RAB11FIP3: variants seen among roughly 807,000 people sequenced by gnomAD.
The protein encoded by RAB11FIP3 is RAB11 family interacting protein 3.
RAB11FIP3 carries 17 observed loss-of-function variants against 77.8 expected under a neutral mutation model. The ratio of observed to expected loss-of-function variants is 0.22; its 90% CI spans 0.15 to 0.33. The LOEUF is 0.33. Ranked by LOEUF, RAB11FIP3 falls within the 10% of genes least tolerant of loss-of-function variation. RAB11FIP3 has a pLI of 1.00. For missense variants in RAB11FIP3, 1,005 were observed against 1,011.2 expected (o/e 0.99, Z 0.08); for synonymous variants, 437 against 448.2 (o/e 0.98, Z 0.31).
chr16:491,353 C>T lies in RAB11FIP3; in HGVS notation c.1265+2353C>T, dbSNP rs77810466. The T allele has an allele frequency of 3.1e-3, 3,784 of 1,235,624 alleles. 57 individuals carry two copies. The African/African-American group carries it at 0.036, about 12-fold the overall frequency. 76.5% of individuals were successfully genotyped at this position (1,235,624 alleles called of 1,614,324 possible). ...CCACAGCCCCCTTGAGGGCCTGCCC[C>T]GAGGCGACCAGGAGCCTCTCAGGCA... On this transcript the variant is annotated intron_variant, in intron 5 of 13. Coordinates refer to ENST00000262305, the MANE Select transcript of RAB11FIP3 (RefSeq NM_014700.4).
At chr16:485,062 G>A (rs1269949853) in intron 4 of RAB11FIP3, among the ~76,000 whole-genome samples, 3 of 152,188 alleles carry the variant, frequency 2.0e-5, no homozygotes, top group Middle Eastern at 3.4e-3. Context: ...TGTCAGGGTG[G>A]GAGCTCCTCT....
intron 5 of RAB11FIP3, 95 bp downstream of exon 5, chr16:489,095 A>AC (rs2141768449): frequency 7.4e-7 from 1 of 1,356,946 alleles, no homozygotes; most frequent in Non-Finnish European, 9.8e-7. Flanking sequence ...TGGTGAGAGA[A>AC]CTTGCTTTCC....
At chr16:518,004 C>T (rs1216816165) in intron 9 of RAB11FIP3, among the ~76,000 whole-genome samples, 1 of 152,172 alleles carries the variant, frequency 6.6e-6, no homozygotes, top group Non-Finnish European at 1.5e-5. Flanking sequence ...ATGGCGTGAA[C>T]CCGGAAGGCG....
At position 496,623 on chromosome 16, in the gene RAB11FIP3, C is replaced by T. The variant is rs535389702; in HGVS notation, c.1266-201C>T. 3.3e-5 allele frequency among the ~76,000 whole-genome samples: 5 copies of T among 152,332 alleles called. No individual in the cohort carries two copies. The East Asian group carries it at 5.8e-4, about 18-fold the overall frequency. On this transcript the variant is annotated intron_variant, in intron 5 of 13. Coordinates refer to ENST00000262305, the MANE Select transcript of RAB11FIP3 (RefSeq NM_014700.4). ...GGGGGCTGGAGTAACGAGACGTATGCGGCCTCACCCCAGCACTGCCGTGTC... is the reference window on the plus strand; with the variant it reads ...GGGGGCTGGAGTAACGAGACGTATGTGGCCTCACCCCAGCACTGCCGTGTC...
intron 1 of RAB11FIP3, among the ~76,000 whole-genome samples, chr16:454,563 C>G (rs975162768): frequency 1.3e-5 from 2 of 152,024 alleles, no homozygotes; most frequent in Non-Finnish European, 2.9e-5. Context: ...TATACCTCCT[C>G]AAAACCAAAA....
rs58290701 is a variant in RAB11FIP3, at chr16:522,044, T to TGC, written c.*1205_*1206insGC. On this transcript the variant is annotated 3_prime_UTR_variant, in exon 14 of 14. Coordinates refer to ENST00000262305, the MANE Select transcript of RAB11FIP3 (RefSeq NM_014700.4). ...CGCTGCGTGTGTGTGCGCGCGCGTGTACGTGTGGCCCCACATCCGCCGCCT... is the reference window on the plus strand; with the variant it reads ...CGCTGCGTGTGTGTGCGCGCGCGTGTGCACGTGTGGCCCCACATCCGCCGCCT... The TGC allele has an allele frequency of 1.3e-5, 2 of 151,732 alleles. No homozygotes were observed. The highest frequency in any genetic ancestry group is 2.9e-5 in the Non-Finnish European group (2 of 67,962). 9.4% of individuals were successfully genotyped at this position (151,732 alleles called of 1,614,324 possible).
intron 1 of RAB11FIP3, among the ~76,000 whole-genome samples, chr16:429,749 C>T (rs1349062393): frequency 2.0e-5 from 3 of 152,112 alleles, no homozygotes; most frequent in South Asian, 2.1e-4. Context: ...CCACCCGCCT[C>T]GGCCTCCCAA....
Position 505,700 on chromosome 16 carries a change from C to T in RAB11FIP3, c.1499+73C>T. The T allele has an allele frequency of 7.9e-7, 1 of 1,272,074 alleles. No homozygotes were observed. The highest frequency in any genetic ancestry group is 1.1e-6 in the Non-Finnish European group (1 of 920,152). The allele number at this position is 1,272,074 out of a possible 1,614,324, so 78.8% of individuals were successfully genotyped here. ...CCCGCCTGTCAGCCCCCATTTACTT[C>T]TCTTTACCTCACACAGCAGGGGCTT... is the stretch of plus-strand genomic sequence containing the variant. On this transcript the variant is annotated intron_variant, in intron 8 of 13. Transcript: ENST00000262305. The surrounding 1 kb of genome is among the most constrained non-coding windows in gnomAD (Gnocchi z 4.0).
At chr16:445,113 C>CAAAAAAA (rs56706849) in intron 1 of RAB11FIP3, among the ~76,000 whole-genome samples, 3 of 70,818 alleles carry the variant, frequency 4.2e-5, no homozygotes, top group East Asian at 4.1e-4. Context: ...GACTCTGTCT[C>CAAAAAAA]AAAAAAAAAA....
Position 471,351 on chromosome 16 carries a change from G to T in RAB11FIP3, c.865G>T (p.Ala289Ser). 6.2e-7 allele frequency: 1 copy of T among 1,613,964 alleles called. No homozygotes were observed. Among genetic ancestry groups the T allele is most frequent in the African/African-American group, 1.3e-5 (1 of 75,060 alleles). Residue 289 changes from alanine to serine, a missense_variant, in exon 3 of 14, where the codon GCC becomes TCC. By Grantham distance (99) the Ala-to-Ser change is moderately conservative (BLOSUM62 1). Around this residue, in one of 4 missense-constraint regions of RAB11FIP3, gnomAD observed 466 missense variants for 408.3 expected, o/e 1.14. Coordinates refer to ENST00000262305, the MANE Select transcript of RAB11FIP3 (RefSeq NM_014700.4). The surrounding 1 kb of genome is among the most constrained non-coding windows in gnomAD (Gnocchi z 4.4). ...VASAQDEEPL[A>S]CPDEFDDFVT... ...TTCTGCCCAAGATGAGGAGCCCCTG[G>T]CCTGCCCGGACGAGTTCGATGACTT... is the stretch of plus-strand genomic sequence containing the variant.
At chr16:468,614 T>A (rs1215087770) in intron 2 of RAB11FIP3, among the ~76,000 whole-genome samples, 2 of 152,092 alleles carry the variant, frequency 1.3e-5, no homozygotes, top group East Asian at 3.9e-4. Context: ...ACCAGCAGGA[T>A]GTGCTGGCCT....
At position 519,877 on chromosome 16, in the gene RAB11FIP3, G is replaced by A; in HGVS notation, c.1846G>A (p.Glu616Lys). Residue 616 changes from glutamate to lysine, a missense_variant, in exon 11 of 14, where the codon GAG (glutamate) becomes AAG (lysine). Physicochemically the swap from Glu to Lys is moderately conservative, Grantham distance 56 (BLOSUM62 1). This residue lies in a region of RAB11FIP3 where 433 missense variants were observed against 436.1 expected (regional missense o/e 0.99). Coordinates refer to ENST00000262305, the MANE Select transcript of RAB11FIP3 (RefSeq NM_014700.4). ...HERHQFQRDKEATQELIEDLR... is the reference protein window; with the variant it reads ...HERHQFQRDKKATQELIEDLR... ...GAGGCACCAGTTCCAGAGGGACAAG[G>A]AGGCCACCCAGGAGGTGAGCACCCA... 3.1e-6 allele frequency: 5 copies of A among 1,590,822 alleles called. No homozygotes were observed. Among genetic ancestry groups the A allele is most frequent in the Non-Finnish European group, 4.3e-6 (5 of 1,168,794 alleles).
intron 5 of RAB11FIP3, among the ~76,000 whole-genome samples, chr16:494,786 G>T (rs371240046): frequency 1.5e-5 from 2 of 137,490 alleles, no homozygotes; most frequent in African/African-American, 5.1e-5. Context: ...CACATGAGCC[G>T]GGGAGGTCGA....
At chr16:427,222 T>C (rs1422362715) in intron 1 of RAB11FIP3, among the ~76,000 whole-genome samples, 1 of 152,258 alleles carries the variant, frequency 6.6e-6, no homozygotes, top group African/African-American at 2.4e-5. Context: ...TTACTGTGTG[T>C]GGTTGACATC....
At chr16:468,584 C>T (rs1418950514) in intron 2 of RAB11FIP3, among the ~76,000 whole-genome samples, 1 of 152,002 alleles carries the variant, frequency 6.6e-6, no homozygotes, top group East Asian at 1.9e-4. Flanking sequence ...GTCTGTCAGC[C>T]CTGTCTGCGT....
intron 10 of RAB11FIP3, 50 bp downstream of exon 10, chr16:519,074 C>T (rs2032552484): frequency 6.3e-7 from 1 of 1,580,430 alleles, no homozygotes; most frequent in Non-Finnish European, 8.7e-7. Context: ...AGCCCATGCC[C>T]TGCCTGTGGG....
chr16:464,413 CCTTGAGG>C (rs1285020881), intron 2 of RAB11FIP3, among the ~76,000 whole-genome samples: 1 of 152,186 alleles, frequency 6.6e-6, no homozygotes, highest in Non-Finnish European at 1.5e-5. Flanking sequence ...ACATACTGTG[CCTTGAGG>C]CTTGCTGCAT....
At chr16:477,146 T>A (rs1431033464) in intron 3 of RAB11FIP3, among the ~76,000 whole-genome samples, 1 of 150,388 alleles carries the variant, frequency 6.6e-6, no homozygotes, top group East Asian at 2.0e-4. Flanking sequence ...CCCTGCTACT[T>A]GGGAGGCTGA....
At chr16:508,871 A>G (rs115014014) in intron 8 of RAB11FIP3, among the ~76,000 whole-genome samples, 7 of 148,946 alleles carry the variant, frequency 4.7e-5, no homozygotes, top group African/African-American at 1.7e-4. Context: ...TTTCTATGTA[A>G]TATTCTCAGT....
Sources: allele counts gnomAD v4.1 joint callset (sites outside exome capture counted in the v4.1 genomes callset), GRCh38; gene constraint gnomAD v4.1.1; regional missense constraint gnomAD v4.1.1; non-coding constraint Gnocchi (gnomAD v3.1); transcripts MANE v1.5; gene names NCBI Gene and HGNC (gene_info 2026-07-23, HGNC 2026-07-21).